Variants in GRM1 observed in about 807,000 individuals in gnomAD.
The protein encoded by GRM1 is glutamate metabotropic receptor 1.
In GRM1, 33 loss-of-function variants were observed where a neutral mutation model predicts 90.9. The observed-to-expected ratio is 0.36, with a 90% CI of 0.28 to 0.49. The LOEUF is 0.49. GRM1 is among the 20% of genes least tolerant of loss of function. GRM1 has a pLI of 0.99. For missense variants in GRM1, 1,190 were observed against 1,534.3 expected, an observed-to-expected ratio of 0.78 and a Z score of 3.75; for synonymous variants, 700 against 613.2, an observed-to-expected ratio of 1.14 and a Z score of -2.09.
At chr6:146,394,637 T>C (rs768730742) in intron 6 of GRM1, among the ~76,000 whole-genome samples, 6 of 152,142 alleles carry the variant, frequency 3.9e-5, no homozygotes, top group Non-Finnish European at 5.9e-5. Context: ...GATGAGGTCA[T>C]GAATAAATAT....
chr6:146,163,498 A>G (rs1011393798), intron 2 of GRM1, among the ~76,000 whole-genome samples: 2 of 152,204 alleles, frequency 1.3e-5, no homozygotes, highest in African/African-American at 2.4e-5. Flanking sequence ...TCCCCTTTCA[A>G]TGTACGGAGT....
intron 7 of GRM1, among the ~76,000 whole-genome samples, chr6:146,425,335 C>A (rs551596158): frequency 1.3e-5 from 2 of 152,340 alleles, no homozygotes; most frequent in East Asian, 3.9e-4. Context: ...TTCTTCCCAG[C>A]ACCTGTCAGG....
chr6:146,060,947 T>G, intron 1 of GRM1, among the ~76,000 whole-genome samples: 1 of 152,140 alleles, frequency 6.6e-6, no homozygotes, highest in East Asian at 1.9e-4. Flanking sequence ...CCATTCTGAC[T>G]GATGTGAGAT....
At chr6:146,262,254 T>A (rs986190217) in intron 2 of GRM1, among the ~76,000 whole-genome samples, 1 of 152,038 alleles carries the variant, frequency 6.6e-6, no homozygotes, top group African/African-American at 2.4e-5. Flanking sequence ...TTAAAAAAAA[T>A]ATTTAAAATC....
chr6:146,077,437 C>A (rs1183102770), intron 1 of GRM1, among the ~76,000 whole-genome samples: 1 of 152,184 alleles, frequency 6.6e-6, no homozygotes, highest in Non-Finnish European at 1.5e-5. Context: ...ACTGCTTTTT[C>A]TGAACTTCCC....
intron 3 of GRM1, among the ~76,000 whole-genome samples, chr6:146,339,253 C>G (rs1032967060): frequency 6.6e-6 from 1 of 152,184 alleles, no homozygotes; most frequent in African/African-American, 2.4e-5. Flanking sequence ...ACTGAATGGA[C>G]ATGAGCATTC....
chr6:146,415,518 C>T (rs750104539), intron 7 of GRM1, among the ~76,000 whole-genome samples: 7 of 152,236 alleles, frequency 4.6e-5, no homozygotes, highest in South Asian at 2.1e-4. Flanking sequence ...ACTGAACATA[C>T]GTTTAGTCCT....
At chr6:146,392,647 T>C (rs1386010781) in intron 6 of GRM1, among the ~76,000 whole-genome samples, 2 of 152,176 alleles carry the variant, frequency 1.3e-5, no homozygotes, top group African/African-American at 4.8e-5. Flanking sequence ...CAACCCGTCA[T>C]CTACATTAGG....
intron 2 of GRM1, among the ~76,000 whole-genome samples, chr6:146,166,582 TCTC>T (rs1052120456): frequency 6.6e-6 from 1 of 152,166 alleles, no homozygotes; most frequent in Non-Finnish European, 1.5e-5. Flanking sequence ...GTTGGTGTCT[TCTC>T]CTGCTGCCCA....
At chr6:146,125,582 A>C (rs1232959794) in intron 1 of GRM1, among the ~76,000 whole-genome samples, 3 of 151,972 alleles carry the variant, frequency 2.0e-5, no homozygotes, top group African/African-American at 7.3e-5. Flanking sequence ...TAAGGTATAA[A>C]TTATACATTA....
chr6:146,138,017 T>C (rs1240709348), intron 1 of GRM1, among the ~76,000 whole-genome samples: 1 of 152,234 alleles, frequency 6.6e-6, no homozygotes, highest in East Asian at 1.9e-4. Flanking sequence ...ATCCTGCAAC[T>C]TTACTGAATT....
intron 2 of GRM1, among the ~76,000 whole-genome samples, chr6:146,214,950 G>A (rs1474393294): frequency 2.6e-5 from 4 of 152,152 alleles, no homozygotes; most frequent in Non-Finnish European, 4.4e-5. Context: ...AGCAGACAGA[G>A]GGCTTGTGAT....
intron 7 of GRM1, among the ~76,000 whole-genome samples, chr6:146,414,787 T>C (rs1777713441): frequency 6.6e-6 from 1 of 152,232 alleles, no homozygotes; most frequent in Admixed American, 6.5e-5. Flanking sequence ...GTCTTTGACT[T>C]TTCATTTCTT....
At chr6:146,317,274 C>A (rs1208044145) in intron 3 of GRM1, among the ~76,000 whole-genome samples, 1 of 152,196 alleles carries the variant, frequency 6.6e-6, no homozygotes, top group Admixed American at 6.5e-5. Context: ...AAATAAAAAT[C>A]CATTTCACTT....
At chr6:146,391,447 C>A (rs1776718192) in intron 6 of GRM1, among the ~76,000 whole-genome samples, 1 of 152,054 alleles carries the variant, frequency 6.6e-6, no homozygotes, top group East Asian at 1.9e-4. Context: ...CTCACAAAGT[C>A]CCCCTTTTGA....
At chr6:146,117,673 A>G (rs1031137190) in intron 1 of GRM1, among the ~76,000 whole-genome samples, 1 of 152,040 alleles carries the variant, frequency 6.6e-6, no homozygotes, top group Non-Finnish European at 1.5e-5. Context: ...TTTTATTACA[A>G]TTCTGCTAAT....
At chr6:146,041,588 G>C (rs924163843) in intron 1 of GRM1, among the ~76,000 whole-genome samples, 12 of 151,932 alleles carry the variant, frequency 7.9e-5, no homozygotes, top group Non-Finnish European at 1.5e-4. Context: ...AGGCTGACTA[G>C]GAGTTTATGC....
At chr6:146,205,532 A>G (rs1779465669) in intron 2 of GRM1, among the ~76,000 whole-genome samples, 1 of 152,202 alleles carries the variant, frequency 6.6e-6, no homozygotes, top group Non-Finnish European at 1.5e-5. Flanking sequence ...GTGAATTATT[A>G]TGCGGAAAGT....
chr6:146,309,459 A>C (rs1326405476), intron 3 of GRM1, among the ~76,000 whole-genome samples: 2 of 151,976 alleles, frequency 1.3e-5, no homozygotes, highest in Non-Finnish European at 2.9e-5. Context: ...GGCAGCTCCT[A>C]CTAACGCTGC....
Sources: gnomAD v4.1 joint callset for allele counts (sites outside exome capture counted in the v4.1 genomes callset) on GRCh38, gnomAD v4.1.1 for gene constraint, MANE v1.5 for transcripts, NCBI Gene and HGNC (gene_info 2026-07-23, HGNC 2026-07-21) for gene names.